LY75: variants seen among roughly 807,000 people sequenced by gnomAD.
The protein encoded by LY75 is C-type lectin domain family 13 member B.
In LY75, 185 loss-of-function variants were observed where a neutral mutation model predicts 231.7. The ratio of observed to expected loss-of-function variants is 0.80; its 90% CI spans 0.71 to 0.90. LY75 has a LOEUF of 0.90. Among genes scored for constraint, LY75 ranks in the 40% least tolerant of loss-of-function variants. LY75 has a pLI of 0.00. For synonymous variants in LY75, 668 were observed against 689.0 expected (o/e 0.97, Z 0.48); for missense variants, 1,947 against 2,050.2 (o/e 0.95, Z 0.97).
intron 16 of LY75, among the ~76,000 whole-genome samples, chr2:159,856,789 T>C (rs1469303517): frequency 6.6e-6 from 1 of 151,976 alleles, no homozygotes. Flanking sequence ...TTAAAAAATA[T>C]ATATTAAAAA....
At position 159,864,869 on chromosome 2, in the gene LY75, T is replaced by C; in HGVS notation, c.2169A>G (p.Gln723=). 1 of 1,604,820 alleles carries C rather than the reference T, an allele frequency of 6.2e-7. No homozygotes were observed. Among genetic ancestry groups the C allele is most frequent in the Non-Finnish European group, 8.5e-7 (1 of 1,175,640 alleles). Residue 723 remains glutamine (Q), a synonymous_variant, in exon 14 of 35, where the codon CAA becomes CAG. Transcript: ENST00000263636. ...IGLNKRSPDL[Q]GSWQWSDRTP... ...TACGATCACTCCATTGCCAGGATCC[T>C]TGTAAATCTGGGCTCCTTTTATTCA...
intron 31 of LY75, among the ~76,000 whole-genome samples, chr2:159,811,854 C>G (rs532080804): frequency 6.6e-6 from 1 of 152,320 alleles, no homozygotes; most frequent in African/African-American, 2.4e-5. Flanking sequence ...AGCAGTTGGA[C>G]TCCTGGGTAA....
Position 159,878,492 on chromosome 2 carries a change from A to G in LY75, c.1606T>C (p.Phe536Leu), listed in dbSNP as rs1685338194. The G allele has an allele frequency of 1.2e-6, 2 of 1,613,774 alleles. No homozygotes were observed. Among genetic ancestry groups the G allele is most frequent in the African/African-American group, 1.3e-5 (1 of 74,904 alleles). ...AAATCATTTAGGTATTCTTGCTCAAATCTACAAAAGGAGAATCAAATTGGC... is the reference window on the plus strand; with the variant it reads ...AAATCATTTAGGTATTCTTGCTCAAGTCTACAAAAGGAGAATCAAATTGGC... ...TNCNLTITSR[F>L]EQEYLNDLMK... The change falls in exon 11 of 35, where the codon TTT becomes CTT. Residue 536 changes from phenylalanine (F) to leucine (L), a missense_variant and splice_region_variant. Transcript: ENST00000263636.
At chr2:159,862,413 G>T (rs916621730) in intron 14 of LY75, among the ~76,000 whole-genome samples, 2 of 151,958 alleles carry the variant, frequency 1.3e-5, no homozygotes, top group South Asian at 4.1e-4. Context: ...AGTTGAGATC[G>T]CAGCACTGCA....
At chr2:159,890,079 C>T in intron 4 of LY75, 134 bp downstream of exon 4, 1 of 1,148,124 alleles carries the variant, frequency 8.7e-7, no homozygotes, top group Non-Finnish European at 1.2e-6. Context: ...TTATGGGTTT[C>T]AGTGTAGAAG....
chr2:159,821,215 TAA>T (rs35783239), intron 28 of LY75, among the ~76,000 whole-genome samples: 63,973 of 144,336 alleles, frequency 0.44, 15,227 homozygotes, highest in African/African-American at 0.64. Context: ...TATCCACATG[TAA>T]AAAAAAAAAA....
intron 28 of LY75, among the ~76,000 whole-genome samples, chr2:159,823,856 A>G (rs1683376761): frequency 6.6e-6 from 1 of 152,226 alleles, no homozygotes; most frequent in African/African-American, 2.4e-5. Flanking sequence ...ACTAAGCTTC[A>G]TAAGCAAAGG....
chr2:159,878,971 T>C (rs1455144478), intron 9 of LY75, among the ~76,000 whole-genome samples: 3 of 152,192 alleles, frequency 2.0e-5, no homozygotes, highest in Admixed American at 6.5e-5. Flanking sequence ...AAGAGTATAA[T>C]ATTCACTGGA....
intron 4 of LY75, among the ~76,000 whole-genome samples, chr2:159,888,538 A>C (rs1298836665): frequency 6.6e-6 from 1 of 152,246 alleles, no homozygotes; most frequent in Non-Finnish European, 1.5e-5. Context: ...AGTAATGATT[A>C]ATGGATTTAT....
At chr2:159,893,005 C>G (rs917282674) in intron 3 of LY75, among the ~76,000 whole-genome samples, 1 of 151,036 alleles carries the variant, frequency 6.6e-6, no homozygotes, top group Non-Finnish European at 1.5e-5. Flanking sequence ...CTTAAACTAC[C>G]CTTTGCTTTT....
intron 2 of LY75, 22 bp from the exon 3 acceptor site, chr2:159,894,106 G>A (rs55954720): frequency 6.4e-7 from 1 of 1,567,034 alleles, no homozygotes; most frequent in Non-Finnish European, 8.6e-7. Context: ...AGGAAGTTGG[G>A]GAAAAGAGAG....
chr2:159,880,342 A>G (rs930855684), intron 8 of LY75, among the ~76,000 whole-genome samples: 1 of 152,216 alleles, frequency 6.6e-6, no homozygotes, highest in Admixed American at 6.5e-5. Flanking sequence ...TGTTAGGCCT[A>G]GTTTTTAAAT....
intron 9 of LY75, 142 bp from the exon 10 acceptor site, chr2:159,878,863 G>A (rs1182109119): frequency 1.1e-6 from 1 of 883,806 alleles, no homozygotes; most frequent in African/African-American, 1.7e-5. Flanking sequence ...CATGTGATGA[G>A]GGTGGGATGC....
At chr2:159,870,636 C>A (rs1684983954) in intron 13 of LY75, among the ~76,000 whole-genome samples, 1 of 151,688 alleles carries the variant, frequency 6.6e-6, no homozygotes. Context: ...TCCTGAGTAA[C>A]CAGGACTACA....
intron 25 of LY75, among the ~76,000 whole-genome samples, chr2:159,838,929 G>A (rs1683920050): frequency 6.6e-6 from 1 of 152,046 alleles, no homozygotes. Context: ...CTGAGTAGCT[G>A]GGGTTACAGA....
chr2:159,899,359 G>C (rs1574605431), intron 1 of LY75, among the ~76,000 whole-genome samples: 1 of 152,190 alleles, frequency 6.6e-6, no homozygotes, highest in Non-Finnish European at 1.5e-5. Flanking sequence ...TCATATGATG[G>C]TTGTGAGCAT....
In LY75 at chr2:159,875,633, G is replaced by A. The variant is rs116474493; in HGVS notation, c.1785C>T (p.Gly595=). 943 of 1,613,670 alleles carry A rather than the reference G, an allele frequency of 5.8e-4. 7 individuals are homozygous for A. In the African/African-American group the frequency reaches 0.011, roughly 19 times the overall value. The change falls in exon 12 of 35, where the codon GGC becomes GGT. Residue 595 remains glycine (G), a synonymous_variant. Transcript: ENST00000263636. ...TTCCAGTAGACATAGCCACGCAGCC[G>A]CCCGGGGAAGCTGGGATTGAAGTGG... The part of the protein sequence containing the change: ...NWNFLEPASP[G]GCVAMSTGKS...
chr2:159,834,249 A>G, intron 26 of LY75, 38 bp from the exon 27 acceptor site: 3 of 1,609,132 alleles, frequency 1.9e-6, no homozygotes, highest in African/African-American at 1.3e-5. Flanking sequence ...CTAATTTGAG[A>G]TATAAATGTT....
chr2:159,886,342 T>A, intron 5 of LY75, 78 bp downstream of exon 5: 1 of 1,434,230 alleles, frequency 7.0e-7, no homozygotes, highest in South Asian at 1.5e-5. Context: ...GAAACTTTTC[T>A]AAGCTATTGG....
Sources: allele counts gnomAD v4.1 joint callset (sites outside exome capture counted in the v4.1 genomes callset), GRCh38; gene constraint gnomAD v4.1.1; transcripts MANE v1.5; gene names NCBI Gene and HGNC (gene_info 2026-07-23, HGNC 2026-07-21).